Variants in DRC8 observed in about 807,000 individuals in gnomAD.
The protein encoded by DRC8 is dynein regulatory complex protein 8.
chr1:244,992,595 C>T, the DRC8 span, among the ~76,000 whole-genome samples: 1 of 152,070 alleles, frequency 6.6e-6, no homozygotes, highest in South Asian at 2.1e-4. Context: ...AAAAAATTAG[C>T]TAGGCATGGT....
At chr1:244,993,960 A>G in the DRC8 span, among the ~76,000 whole-genome samples, 1 of 151,472 alleles carries the variant, frequency 6.6e-6, no homozygotes, top group Non-Finnish European at 1.5e-5. Flanking sequence ...TTTTTGGTAT[A>G]CTTTTTGGTA....
the DRC8 span, among the ~76,000 whole-genome samples, chr1:245,088,315 G>GACACACACAC: frequency 0.32 from 47,065 of 145,332 alleles, 8,936 homozygotes; most frequent in Admixed American, 0.43. This position sits in a 1 kb window ranked among gnomAD's most constrained non-coding sequence, Gnocchi z 4.6. Context: ...GTTATAACAA[G>GACACACACAC]ACACACACAC....
At chr1:245,074,397 A>G in the DRC8 span, among the ~76,000 whole-genome samples, 1 of 152,192 alleles carries the variant, frequency 6.6e-6, no homozygotes, top group African/African-American at 2.4e-5. Flanking sequence ...ACTCACCCTT[A>G]AGTAGAGAAA....
At chr1:245,018,923 C>T in the DRC8 span, among the ~76,000 whole-genome samples, 1 of 152,192 alleles carries the variant, frequency 6.6e-6, no homozygotes, top group Non-Finnish European at 1.5e-5. Context: ...AAGTCTCTTG[C>T]TACACTGTGG....
the DRC8 span, among the ~76,000 whole-genome samples, chr1:245,038,469 CA>C: frequency 0.082 from 12,044 of 146,688 alleles, 1,322 homozygotes; most frequent in African/African-American, 0.25. Context: ...GACTCCGTCT[CA>C]AAAAAAAAAG....
At chr1:245,043,500 T>C in the DRC8 span, among the ~76,000 whole-genome samples, 1 of 152,118 alleles carries the variant, frequency 6.6e-6, no homozygotes, top group Non-Finnish European at 1.5e-5. Flanking sequence ...ATACTTTATA[T>C]GGAACAGTTG....
the DRC8 span, among the ~76,000 whole-genome samples, chr1:245,044,554 T>TTG: frequency 7.5e-5 from 4 of 53,438 alleles, no homozygotes; most frequent in East Asian, 1.1e-3. Flanking sequence ...AGGCTGGATT[T>TTG]ATTTATTTAT....
the DRC8 span, among the ~76,000 whole-genome samples, chr1:245,076,972 A>T: frequency 6.6e-6 from 1 of 151,996 alleles, no homozygotes; most frequent in Admixed American, 6.6e-5. Flanking sequence ...TGATCCGCCC[A>T]CCTTAGCCTC....
the DRC8 span, among the ~76,000 whole-genome samples, chr1:245,052,305 T>G: frequency 2.0e-5 from 3 of 152,150 alleles, no homozygotes; most frequent in Non-Finnish European, 4.4e-5. Flanking sequence ...AATTGAGATG[T>G]TCAGGATTAT....
the DRC8 span, among the ~76,000 whole-genome samples, chr1:245,089,466 A>C: frequency 6.6e-6 from 1 of 152,130 alleles, no homozygotes. The surrounding 1 kb of genome is among the most constrained non-coding windows in gnomAD (Gnocchi z 4.8). Context: ...AAGCCTGAGA[A>C]GAGGGAAAGC....
chr1:245,073,589 TAAC>T, the DRC8 span, among the ~76,000 whole-genome samples: 282 of 152,156 alleles, frequency 1.9e-3, no homozygotes, highest in African/African-American at 6.1e-3. Flanking sequence ...AAACTACTCT[TAAC>T]AAACTCAAAT....
the DRC8 span, among the ~76,000 whole-genome samples, chr1:245,007,947 T>C: frequency 1.3e-5 from 2 of 152,104 alleles, no homozygotes; most frequent in South Asian, 4.1e-4. Context: ...GGAGGATTGC[T>C]TGAGGCCAGG....
the DRC8 span, among the ~76,000 whole-genome samples, chr1:244,983,022 A>G: frequency 0.022 from 3,329 of 152,204 alleles, 141 homozygotes; most frequent in African/African-American, 0.076. Flanking sequence ...ATGAGCTGAT[A>G]TCGCGCCATT....
chr1:244,972,320 A>C, the DRC8 span, among the ~76,000 whole-genome samples: 221 of 152,322 alleles, frequency 1.5e-3, 11 homozygotes, highest in East Asian at 0.04. Flanking sequence ...CTTTGCTTCC[A>C]AGGAAGGTGA....
chr1:245,061,713 G>A, the DRC8 span, among the ~76,000 whole-genome samples: 1 of 152,154 alleles, frequency 6.6e-6, no homozygotes, highest in Non-Finnish European at 1.5e-5. Context: ...TCAAAGCCCC[G>A]TAAAAGTCAA....
the DRC8 span, among the ~76,000 whole-genome samples, chr1:245,021,751 A>C: frequency 6.6e-6 from 1 of 152,000 alleles, no homozygotes; most frequent in Non-Finnish European, 1.5e-5. Flanking sequence ...TTATGTTCTT[A>C]AAGTAAATAA....
chr1:245,088,262 T>C, the DRC8 span, among the ~76,000 whole-genome samples: 11 of 150,482 alleles, frequency 7.3e-5, no homozygotes, highest in Non-Finnish European at 2.9e-5. The surrounding 1 kb of genome is among the most constrained non-coding windows in gnomAD (Gnocchi z 4.6). Context: ...AAGGGGAAGA[T>C]AAAGTAAAGG....
the DRC8 span, among the ~76,000 whole-genome samples, chr1:245,117,260 G>A: frequency 6.6e-5 from 10 of 152,060 alleles, no homozygotes; most frequent in African/African-American, 2.4e-4. Context: ...CACCATGTTG[G>A]CCAGGCTGGT....
the DRC8 span, chr1:244,970,687 C>G: frequency 2.2e-5 from 11 of 499,252 alleles, 1 homozygote; most frequent in Admixed American, 9.0e-5. Context: ...CCGCCTCTCT[C>G]CCCTCTTCCC....
Sources: gnomAD v4.1 joint callset for allele counts (sites outside exome capture counted in the v4.1 genomes callset) on GRCh38, gnomAD v4.1.1 for gene constraint, Gnocchi (gnomAD v3.1) non-coding constraint, MANE v1.5 for transcripts, NCBI Gene and HGNC (gene_info 2026-07-23, HGNC 2026-07-21) for gene names.